The following GZMM variants were observed in gnomAD, a reference collection of about 807,000 sequenced individuals.
GZMM encodes the protein HU-Met-1.
A neutral mutation model predicts 19.2 loss-of-function variants in GZMM; 23 were observed. The observed-to-expected ratio is 1.20, with a 90% CI of 0.86 to 1.69. The LOEUF (loss-of-function observed/expected upper bound fraction) is 1.69. GZMM is among the 40% of genes most tolerant of loss of function. GZMM has a pLI of 0.00. For synonymous variants in GZMM, 178 were observed against 160.2 expected, an observed-to-expected ratio of 1.11 and a Z score of -0.84; for missense variants, 373 against 352.2, an observed-to-expected ratio of 1.06 and a Z score of -0.47.
At position 547,377 on chromosome 19, in the gene GZMM, C is replaced by T. The variant is rs769969742; in HGVS notation, c.153C>T (p.Cys51=). The T allele has an allele frequency of 9.7e-6, 15 of 1,552,458 alleles. No individual in the cohort carries two copies. The highest frequency in any genetic ancestry group is 2.5e-5 in the East Asian group (1 of 39,602). ...ASLQRNGSHL[C]GGVLVHPKWV... ...TGCAGAGAAATGGCTCCCACCTGTG[C>T]GGGGGTGTCCTGGTGCACCCAAAGT... The change falls in exon 2 of 5, where the codon TGC becomes TGT. Residue 51 remains cysteine, a synonymous_variant. Coordinates refer to ENST00000264553, the MANE Select transcript of GZMM (RefSeq NM_005317.4).
At chr19:544,447 G>A (rs779556134) in intron 1 of GZMM, among the ~76,000 whole-genome samples, 60 of 146,746 alleles carry the variant, frequency 4.1e-4, no homozygotes, top group Admixed American at 1.3e-3. Context: ...GCTGACCTAG[G>A]ACTGCCCAGC....
At position 549,855 on chromosome 19, in the gene GZMM, T is replaced by G. The variant is rs1980454013; in HGVS notation, c.*64T>G. 4.8e-5 allele frequency: 27 copies of G among 559,602 alleles called. No homozygotes were observed. The highest frequency in any genetic ancestry group is 7.5e-5 in the Non-Finnish European group (23 of 306,518). The allele number at this position is 559,602 out of a possible 1,614,324, so 34.7% of individuals were successfully genotyped here. A position where few individuals can be genotyped will look rare whatever the true frequency, so the allele number is the denominator to read the frequency against. ...GGACCCTTCCCCTCCAGGGGTGCAG[T>G]GGGGTGGGTGAGGACGGGTGGGAGG... On this transcript the variant is annotated 3_prime_UTR_variant, in exon 5 of 5. Coordinates refer to ENST00000264553, the MANE Select transcript of GZMM (RefSeq NM_005317.4).
intron 4 of GZMM, 71 bp downstream of exon 4, chr19:549,256 C>T: frequency 1.4e-6 from 2 of 1,437,314 alleles, no homozygotes; most frequent in East Asian, 2.5e-5. Context: ...AGCCGCCGGG[C>T]AGGTTCCTGG....
At chr19:544,704 T>C (rs1980190451) in intron 1 of GZMM, among the ~76,000 whole-genome samples, 1 of 113,034 alleles carries the variant, frequency 8.8e-6, no homozygotes, top group South Asian at 2.8e-4. Context: ...CATGGGTCCA[T>C]CATCCCTCCC....
At chr19:549,362 A>G (rs1191066080) in intron 4 of GZMM, among the ~76,000 whole-genome samples, 177 bp downstream of exon 4, 1 of 152,178 alleles carries the variant, frequency 6.6e-6, no homozygotes, top group Non-Finnish European at 1.5e-5. Flanking sequence ...AGGCTCAGAC[A>G]GGTTTAGCAA....
chr19:547,412 C>G lies in GZMM; in HGVS notation c.188C>G (p.Thr63Arg). 1.3e-6 allele frequency: 2 copies of G among 1,488,194 alleles called. No homozygotes were observed. Among genetic ancestry groups the G allele is most frequent in the South Asian group, 1.3e-5 (1 of 75,416 alleles). The allele number at this position is 1,488,194 out of a possible 1,614,324, so 92.2% of individuals were successfully genotyped here. ...CTGGTGCACCCAAAGTGGGTGCTGA[C>G]GGCTGCCCACTGCCTGGCCCAGCGG... The part of the protein sequence containing the change: ...GVLVHPKWVL[T>R]AAHCLAQRMA... Residue 63 changes from threonine (T) to arginine (R), a missense_variant, in exon 2 of 5, where the codon ACG becomes AGG. Thr to Arg is a moderately conservative substitution (Grantham distance 71, BLOSUM62 -1). Transcript: ENST00000264553.
intron 2 of GZMM, 131 bp from the exon 3 acceptor site, chr19:548,411 G>A (rs1980366673): frequency 1.1e-6 from 1 of 879,306 alleles, no homozygotes. Flanking sequence ...GACTGGCCAA[G>A]CCAAGGCCTG....
intron 1 of GZMM, among the ~76,000 whole-genome samples, chr19:545,094 C>A (rs1186613845): frequency 6.6e-6 from 1 of 151,724 alleles, no homozygotes; most frequent in Non-Finnish European, 1.5e-5. Context: ...TCCATTCCTC[C>A]TTCCATCCCT....
At chr19:547,242 G>T (rs1980319343) in intron 1 of GZMM, 38 bp from the exon 2 acceptor site, 2 of 1,465,676 alleles carry the variant, frequency 1.4e-6, no homozygotes, top group African/African-American at 1.4e-5. Context: ...GCAGGGGCAT[G>T]TAGCCCCAAC....
At chr19:546,225 A>T (rs556051900) in intron 1 of GZMM, among the ~76,000 whole-genome samples, 1 of 152,202 alleles carries the variant, frequency 6.6e-6, no homozygotes. Flanking sequence ...ATTATGCACT[A>T]TACAATTTAC....
intron 2 of GZMM, among the ~76,000 whole-genome samples, chr19:548,030 G>A (rs1244509362): frequency 6.6e-6 from 1 of 152,198 alleles, no homozygotes; most frequent in Non-Finnish European, 1.5e-5. Flanking sequence ...GGTGCGGCTT[G>A]ATCCAGGTGC....
chr19:545,099 A>ATCCCTCCTTCCTTTCTCCCTTTG (rs1555721633), intron 1 of GZMM, among the ~76,000 whole-genome samples: 3 of 141,352 alleles, frequency 2.1e-5, no homozygotes, highest in African/African-American at 8.1e-5. Flanking sequence ...TCCTCCTTCC[A>ATCCCTCCTTCCTTTCTCCCTTTG]TCCCTCCTTC....
In GZMM at chr19:549,845, AG is replaced by A; in HGVS notation, c.*58del. ...TGTCTCCACAGGACCCTTCCCCTCC[AG>A]GGGTGCAGTGGGGTGGGTGAGGACG... On this transcript the variant is annotated 3_prime_UTR_variant, in exon 5 of 5. Transcript: ENST00000264553. 1.3e-6 allele frequency: 1 copy of A among 760,764 alleles called. No homozygotes were observed. Among genetic ancestry groups the A allele is most frequent in the Non-Finnish European group, 2.1e-6 (1 of 479,782 alleles). 47.1% of individuals were successfully genotyped at this position (760,764 alleles called of 1,614,324 possible). A position where few individuals can be genotyped will look rare whatever the true frequency, so the allele number is the denominator to read the frequency against.
chr19:544,548 G>C (rs1400495222), intron 1 of GZMM, among the ~76,000 whole-genome samples: 1 of 152,268 alleles, frequency 6.6e-6, no homozygotes, highest in East Asian at 1.9e-4. Flanking sequence ...TGAGGGAGAA[G>C]GGAGGTGGGT....
chr19:549,568 C>A lies in GZMM; in HGVS notation c.613-62C>A, dbSNP rs548964053. 951 of 1,522,620 alleles carry A rather than the reference C, an allele frequency of 6.2e-4. 1 individual carries two copies. Among genetic ancestry groups the A allele is most frequent in the Non-Finnish European group, 7.8e-4 (878 of 1,130,468 alleles). The allele number at this position is 1,522,620 out of a possible 1,614,324, so 94.3% of individuals were successfully genotyped here. ...GCCTGGCCCTGCTCCCCTCGGCGGG[C>A]CCTGCTCCCCTCGTCCCCTCAGCAG... On this transcript the variant is annotated intron_variant, in intron 4 of 4. Transcript: ENST00000264553.
At position 549,724 on chromosome 19, in the gene GZMM, CT is replaced by C. The variant is rs1285297197; in HGVS notation, c.708del (p.Val238TrpfsTer25). The C allele has an allele frequency of 1.2e-6, 2 of 1,613,728 alleles. No individual in the cohort carries two copies. The highest frequency in any genetic ancestry group is 1.7e-6 in the Non-Finnish European group (2 of 1,179,856). The stretch of plus-strand genomic sequence containing the variant: ...AGGGTCTGCACTGACATCTTCAAGC[CT>C]CCCGTGGCCACCGCTGTGGCGCCTT... The part of the protein sequence containing the change: ...SSRVCTDIFK[P>X]PVATAVAPYV... On this transcript the variant is annotated frameshift_variant, in exon 5 of 5. Coordinates refer to ENST00000264553, the MANE Select transcript of GZMM (RefSeq NM_005317.4). LOFTEE classifies it low-confidence loss of function (END_TRUNC).
chr19:544,472 T>C lies in GZMM; in HGVS notation c.55+346T>C, dbSNP rs900315942. Among the ~76,000 whole-genome samples the C allele has an allele frequency of 2.0e-5, 3 of 151,904 alleles. No individual in the cohort carries two copies. In the South Asian group the frequency reaches 6.2e-4, roughly 32 times the overall value. On this transcript the variant is annotated intron_variant, in intron 1 of 4. Transcript: ENST00000264553. ...GACTGCCCAGCTGGGAGGGCAGAGCTGGGACTCGATCCCCGCTGGCTGCCT... is the reference window on the plus strand; with the variant it reads ...GACTGCCCAGCTGGGAGGGCAGAGCCGGGACTCGATCCCCGCTGGCTGCCT...
At position 548,513 on chromosome 19, in the gene GZMM, C is replaced by T. The variant is rs368476709; in HGVS notation, c.213-29C>T. 3.4e-5 allele frequency: 54 copies of T among 1,610,152 alleles called. No individual in the cohort carries two copies. In the East Asian group the frequency reaches 4.5e-4, roughly 13 times the overall value. On this transcript the variant is annotated intron_variant, in intron 2 of 4. Transcript: ENST00000264553. ...GCGGGTCGTCCACGCCGGGCCAGGC[C>T]GCAGCACCCTGATTCCCTCTGTCCC...
chr19:547,495 T>G, intron 2 of GZMM, 59 bp downstream of exon 2: 1 of 1,238,334 alleles, frequency 8.1e-7, no homozygotes, highest in Non-Finnish European at 1.0e-6. Flanking sequence ...CGGCGCCCAT[T>G]CTCTGCAGGG....
Sources: gnomAD v4.1 joint callset for allele counts (sites outside exome capture counted in the v4.1 genomes callset) on GRCh38, gnomAD v4.1.1 for gene constraint, MANE v1.5 for transcripts, NCBI Gene and HGNC (gene_info 2026-07-23, HGNC 2026-07-21) for gene names.